KCNAB1: variants seen among roughly 807,000 people sequenced by gnomAD.
KCNAB1 encodes the protein potassium voltage-gated channel subfamily A regulatory beta subunit 1.
In KCNAB1, 35 loss-of-function variants were observed where a neutral mutation model predicts 64.6. The ratio of observed to expected loss-of-function variants is 0.54; its 90% CI spans 0.41 to 0.72. The LOEUF (loss-of-function observed/expected upper bound fraction) is 0.72. Among genes scored for constraint, KCNAB1 ranks in the 30% least tolerant of loss-of-function variants. KCNAB1 has a pLI of 0.00. For synonymous variants in KCNAB1, 177 were observed against 183.8 expected (o/e 0.96, Z 0.30); for missense variants, 401 against 512.9 (o/e 0.78, Z 2.11).
intron 1 of KCNAB1, among the ~76,000 whole-genome samples, chr3:156,285,588 C>T (rs907632472): frequency 6.6e-6 from 1 of 152,180 alleles, no homozygotes; most frequent in Non-Finnish European, 1.5e-5. Flanking sequence ...GCAACCTCTG[C>T]CTCACAGGCT....
intron 1 of KCNAB1, among the ~76,000 whole-genome samples, chr3:156,354,867 A>G (rs758416365): frequency 6.6e-6 from 1 of 152,152 alleles, no homozygotes; most frequent in Non-Finnish European, 1.5e-5. Flanking sequence ...TATGTTTTGT[A>G]TTCAAGTTTC....
chr3:156,161,194 G>A (rs1049003146), intron 1 of KCNAB1, among the ~76,000 whole-genome samples: 4 of 152,130 alleles, frequency 2.6e-5, no homozygotes, highest in African/African-American at 4.8e-5. Context: ...AAGGCTGTCT[G>A]TGTCTGCCCT....
chr3:156,402,668 T>C (rs1713988158), intron 1 of KCNAB1, among the ~76,000 whole-genome samples: 1 of 152,216 alleles, frequency 6.6e-6, no homozygotes, highest in Non-Finnish European at 1.5e-5. Flanking sequence ...CTACAGTCCA[T>C]ATTAGCTTAC....
chr3:156,198,993 G>T (rs1714153026), intron 1 of KCNAB1, among the ~76,000 whole-genome samples: 1 of 137,332 alleles, frequency 7.3e-6, no homozygotes, highest in Admixed American at 7.9e-5. Flanking sequence ...TCCTTCAGGA[G>T]CTCTTGTAAG....
At chr3:156,286,752 T>C (rs1720118437) in intron 1 of KCNAB1, among the ~76,000 whole-genome samples, 1 of 152,224 alleles carries the variant, frequency 6.6e-6, no homozygotes, top group African/African-American at 2.4e-5. Flanking sequence ...TCTTTTAAAC[T>C]ATATTCATAA....
intron 1 of KCNAB1, among the ~76,000 whole-genome samples, chr3:156,211,593 A>G (rs1715010443): frequency 6.6e-6 from 1 of 152,226 alleles, no homozygotes; most frequent in Non-Finnish European, 1.5e-5. Flanking sequence ...TGGAAAAGGC[A>G]TTCAAAGGGC....
At chr3:156,436,923 C>T (rs1438580787) in intron 2 of KCNAB1, among the ~76,000 whole-genome samples, 9 of 152,092 alleles carry the variant, frequency 5.9e-5, no homozygotes, top group Non-Finnish European at 1.2e-4. Flanking sequence ...AGTTTATTTC[C>T]ATTTGTCAAT....
chr3:156,440,721 G>A (rs1716930980), intron 2 of KCNAB1, among the ~76,000 whole-genome samples: 1 of 152,174 alleles, frequency 6.6e-6, no homozygotes, highest in South Asian at 2.1e-4. Flanking sequence ...ACTTGATACA[G>A]CTATAAATTT....
intron 1 of KCNAB1, among the ~76,000 whole-genome samples, chr3:156,198,525 C>T (rs897463251): frequency 1.3e-5 from 2 of 152,056 alleles, no homozygotes; most frequent in South Asian, 2.1e-4. Flanking sequence ...TTGAATTGAT[C>T]CCTTTACCAT....
At chr3:156,488,216 C>G (rs1246164199) in intron 8 of KCNAB1, among the ~76,000 whole-genome samples, 1 of 151,166 alleles carries the variant, frequency 6.6e-6, no homozygotes, top group African/African-American at 2.4e-5. Flanking sequence ...TGGGCACATT[C>G]TTTCTGGCAG....
chr3:156,189,594 C>A (rs749403429), intron 1 of KCNAB1, among the ~76,000 whole-genome samples: 2 of 151,948 alleles, frequency 1.3e-5, no homozygotes, highest in South Asian at 4.1e-4. Flanking sequence ...TCTTTTGCAT[C>A]TCCTGTTCTG....
At chr3:156,186,732 A>G (rs1713219903) in intron 1 of KCNAB1, among the ~76,000 whole-genome samples, 1 of 151,938 alleles carries the variant, frequency 6.6e-6, no homozygotes, top group Admixed American at 6.6e-5. Context: ...GTGTGCTTTT[A>G]CTAATAGCTA....
chr3:156,516,313 C>G lies in KCNAB1; in HGVS notation c.909C>G (p.Ile303Met), dbSNP rs1214698628. 1 of 1,613,932 alleles carries G rather than the reference C, an allele frequency of 6.2e-7. No homozygotes were observed. Among genetic ancestry groups the G allele is most frequent in the African/African-American group, 1.3e-5 (1 of 74,906 alleles). ...GGTCTCCACTTGCCTGTGGAATCAT[C>G]TCAGGAAAATACGGAAACGGGGTGC... Reference protein sequence around the residue: ...MTWSPLACGIISGKYGNGVPE... With the variant: ...MTWSPLACGIMSGKYGNGVPE... Residue 303 changes from isoleucine (I) to methionine (M), a missense_variant, in exon 11 of 14, where the codon ATC becomes ATG. Transcript: ENST00000490337.
At chr3:156,154,921 A>G (rs1215297743) in intron 1 of KCNAB1, among the ~76,000 whole-genome samples, 1 of 152,152 alleles carries the variant, frequency 6.6e-6, no homozygotes, top group Non-Finnish European at 1.5e-5. Flanking sequence ...TACCTCTCCA[A>G]GGGCCTTCCA....
chr3:156,265,640 C>T (rs1718657598), intron 1 of KCNAB1, among the ~76,000 whole-genome samples: 1 of 152,182 alleles, frequency 6.6e-6, no homozygotes, highest in South Asian at 2.1e-4. Context: ...CATGCTTTCC[C>T]CAAACTGACT....
intron 8 of KCNAB1, among the ~76,000 whole-genome samples, chr3:156,478,414 C>T (rs762283325): frequency 2.0e-5 from 3 of 152,132 alleles, no homozygotes; most frequent in Admixed American, 6.5e-5. Flanking sequence ...TCACAACCCA[C>T]GCTGACATAA....
At chr3:156,223,988 C>T (rs532746402) in intron 1 of KCNAB1, among the ~76,000 whole-genome samples, 3 of 152,346 alleles carry the variant, frequency 2.0e-5, no homozygotes, top group African/African-American at 4.8e-5. Flanking sequence ...AGGCTCAGGC[C>T]GCGCAGGAGC....
At chr3:156,322,800 A>G (rs1722751172) in intron 1 of KCNAB1, among the ~76,000 whole-genome samples, 1 of 152,194 alleles carries the variant, frequency 6.6e-6, no homozygotes, top group Non-Finnish European at 1.5e-5. Flanking sequence ...ATGCAGTATT[A>G]AGAGACGGAG....
intron 1 of KCNAB1, among the ~76,000 whole-genome samples, chr3:156,185,419 A>G (rs1361867109): frequency 6.6e-6 from 1 of 152,148 alleles, no homozygotes; most frequent in Non-Finnish European, 1.5e-5. Context: ...CTTTACCTCT[A>G]TTCTCTTAGA....
Sources: allele counts gnomAD v4.1 joint callset (sites outside exome capture counted in the v4.1 genomes callset), GRCh38; gene constraint gnomAD v4.1.1; transcripts MANE v1.5; gene names NCBI Gene and HGNC (gene_info 2026-07-23, HGNC 2026-07-21).